Variants in ZNF367 observed in about 807,000 individuals in gnomAD.
ZNF367 encodes the protein C2H2 zinc finger protein ZFF29.
In ZNF367, 11 loss-of-function variants were observed where a neutral mutation model predicts 31.8. That is an observed-to-expected ratio of 0.35 (90% confidence interval 0.22 to 0.57). The LOEUF (loss-of-function observed/expected upper bound fraction) is 0.57, where lower values mean the gene tolerates loss of function less well. Ranked by LOEUF, ZNF367 falls within the 20% of genes least tolerant of loss-of-function variation. The pLI, the probability that ZNF367 is intolerant of heterozygous loss-of-function variation, is 0.85. For synonymous variants in ZNF367, 199 were observed against 202.4 expected, an observed-to-expected ratio of 0.98 and a Z score of 0.14; for missense variants, 353 against 484.1, an observed-to-expected ratio of 0.73 and a Z score of 2.54.
chr9:96,392,226 G>T, intron 4 of ZNF367, 172 bp downstream of exon 4: 1 of 880,664 alleles, frequency 1.1e-6, no homozygotes. Context: ...CAGATCCTAA[G>T]ATCCTAATAC....
chr9:96,391,034 G>A (rs1231683430), intron 4 of ZNF367, among the ~76,000 whole-genome samples: 1 of 152,066 alleles, frequency 6.6e-6, no homozygotes, highest in Non-Finnish European at 1.5e-5. Context: ...CCCTAGAATT[G>A]TCCATCTAAA....
At chr9:96,394,188 A>G (rs1005063240) in intron 3 of ZNF367, among the ~76,000 whole-genome samples, 10 of 152,240 alleles carry the variant, frequency 6.6e-5, no homozygotes, top group African/African-American at 2.4e-4. Context: ...GGTTTCATCA[A>G]AAAGGATTAC....
intron 1 of ZNF367, among the ~76,000 whole-genome samples, chr9:96,410,648 G>C (rs1831735549): frequency 6.8e-6 from 1 of 146,604 alleles, no homozygotes; most frequent in Non-Finnish European, 1.5e-5. Flanking sequence ...GGCCGAGGTG[G>C]GTGGATCACA....
At chr9:96,411,543 CAG>C (rs1308118375) in intron 1 of ZNF367, among the ~76,000 whole-genome samples, 1 of 152,010 alleles carries the variant, frequency 6.6e-6, no homozygotes, top group Non-Finnish European at 1.5e-5. Context: ...GCCTGGGTGA[CAG>C]AGTGAGACTT....
Position 96,398,244 on chromosome 9 carries a change from G to C in ZNF367, c.491C>G (p.Ser164Cys). The C allele has an allele frequency of 6.2e-7, 1 of 1,613,794 alleles. No homozygotes were observed. The highest frequency in any genetic ancestry group is 2.2e-5 in the East Asian group (1 of 44,884). ...RDLINEGEHS[S>C]SRIRCNICNR... ...ACAGATGTTACAACGGATTCTGCTG[G>C]ATGAATGCTCTCCTTCATTTATTAA... Residue 164 changes from serine to cysteine, a missense_variant, in exon 2 of 5, where the codon TCC becomes TGC. Coordinates refer to ENST00000375256, the MANE Select transcript of ZNF367 (RefSeq NM_153695.4).
At position 96,418,002 on chromosome 9, in the gene ZNF367, C is replaced by A; in HGVS notation, c.31G>T (p.Glu11Ter). MIRGFEAPMA[E>*]NPPPPPPPVI... Reference sequence around the variant, plus strand: ...GGCGGCGGCGGCGGCGGCGGGTTCTCCGCCATGGGCGCCTCGAAGCCCCGG... The same window carrying A: ...GGCGGCGGCGGCGGCGGCGGGTTCTACGCCATGGGCGCCTCGAAGCCCCGG... The change falls in exon 1 of 5, where the codon GAG becomes TAG. Residue 11 changes from glutamate to a stop codon, truncating the protein, a stop_gained. Transcript: ENST00000375256. LOFTEE classifies it high-confidence loss of function. The A allele has an allele frequency of 7.1e-7, 1 of 1,403,372 alleles. No homozygotes were observed. Among genetic ancestry groups the A allele is most frequent in the African/African-American group, 1.5e-5 (1 of 66,296 alleles). The allele number at this position is 1,403,372 out of a possible 1,614,324, so 86.9% of individuals were successfully genotyped here. A position where few individuals can be genotyped will look rare whatever the true frequency, so the allele number is the denominator to read the frequency against.
rs1388916960 is a variant in ZNF367 at position 96,417,863 on chromosome 9, A to G, written c.170T>C (p.Ile57Thr). Reference protein sequence around the residue: ...GGEPEPPPPLIPTSPGFSDFM... With the variant: ...GGEPEPPPPLTPTSPGFSDFM... ...GTCGCTGAAGCCGGGGCTGGTGGGG[A>G]TGAGCGGCGGCGGCGGCTCCGGCTC... The change falls in exon 1 of 5, where the codon ATC becomes ACC. Residue 57 changes from isoleucine to threonine, a missense_variant. By Grantham distance (89) the Ile-to-Thr change is moderately conservative. Around this residue, in one of 5 missense-constraint regions of ZNF367, gnomAD observed 31 missense variants for 58.4 expected, o/e 0.53. Coordinates refer to ENST00000375256, the MANE Select transcript of ZNF367 (RefSeq NM_153695.4). The surrounding 1 kb of genome is among the most constrained non-coding windows in gnomAD (Gnocchi z 5.0). The G allele has an allele frequency of 1.3e-6, 2 of 1,518,836 alleles. No individual in the cohort carries two copies. Among genetic ancestry groups the G allele is most frequent in the Non-Finnish European group, 1.8e-6 (2 of 1,141,956 alleles). The allele number at this position is 1,518,836 out of a possible 1,614,324, so 94.1% of individuals were successfully genotyped here.
intron 1 of ZNF367, among the ~76,000 whole-genome samples, chr9:96,401,828 CA>C (rs888111576): frequency 1.4e-3 from 178 of 131,202 alleles, no homozygotes; most frequent in South Asian, 2.9e-3. Flanking sequence ...ATGCCATCTC[CA>C]AAAAAAAAAA....
At chr9:96,408,903 C>T (rs1195685646) in intron 1 of ZNF367, among the ~76,000 whole-genome samples, 1 of 152,204 alleles carries the variant, frequency 6.6e-6, no homozygotes, top group South Asian at 2.1e-4. Context: ...TGAAAATAGC[C>T]TGTGTAGTTT....
intron 3 of ZNF367, among the ~76,000 whole-genome samples, chr9:96,393,500 GA>G (rs1831496089): frequency 6.8e-6 from 1 of 146,662 alleles, no homozygotes; most frequent in Admixed American, 6.9e-5. Context: ...CAGCCTGGGC[GA>G]AAAGTGAGAC....
At chr9:96,388,874 T>C (rs1482198687) in intron 4 of ZNF367, among the ~76,000 whole-genome samples, 2 of 152,188 alleles carry the variant, frequency 1.3e-5, no homozygotes, top group Non-Finnish European at 2.9e-5. Flanking sequence ...CCACAAACTA[T>C]GAAAAAGTGA....
chr9:96,401,128 AG>A (rs1438290632), intron 1 of ZNF367, among the ~76,000 whole-genome samples: 1 of 152,154 alleles, frequency 6.6e-6, no homozygotes, highest in African/African-American at 2.4e-5. Flanking sequence ...CAGGAGGCTG[AG>A]GAAGGAGGAT....
At chr9:96,409,989 C>A (rs1831720825) in intron 1 of ZNF367, among the ~76,000 whole-genome samples, 1 of 152,206 alleles carries the variant, frequency 6.6e-6, no homozygotes, top group African/African-American at 2.4e-5. Flanking sequence ...CAATTAAAAA[C>A]CACAGGCCAG....
chr9:96,407,386 C>T lies in ZNF367; in HGVS notation c.421-9072G>A. 3.3e-6 allele frequency: 5 copies of T among 1,513,890 alleles called. No individual in the cohort carries two copies. The East Asian group carries it at 6.8e-5, about 20-fold the overall frequency. The allele number at this position is 1,513,890 out of a possible 1,614,324, so 93.8% of individuals were successfully genotyped here. A position where few individuals can be genotyped will look rare whatever the true frequency, so the allele number is the denominator to read the frequency against. Reference sequence around the variant, plus strand: ...GAAGGAAAGTCGAGAGGCTCATGAACGTTCAAAGAAGGCAAAGAAAATGAT... The same window carrying T: ...GAAGGAAAGTCGAGAGGCTCATGAATGTTCAAAGAAGGCAAAGAAAATGAT... On this transcript the variant is annotated intron_variant, in intron 1 of 4. Transcript: ENST00000375256.
rs542557750 is a variant in ZNF367, at chr9:96,418,213, GC to G, written c.-182del. ...TGAGCAGACGGCACCGGCGGGCAGG[GC>G]TGGACCCCAGCCCCAGGTCAAGCGC... On this transcript the variant is annotated 5_prime_UTR_variant, in exon 1 of 5. Coordinates refer to ENST00000375256, the MANE Select transcript of ZNF367 (RefSeq NM_153695.4). The G allele has an allele frequency of 6.1e-4, 575 of 943,056 alleles. 3 individuals are homozygous for G. In the African/African-American group the frequency reaches 8.7e-3, roughly 14 times the overall value. 58.4% of individuals were successfully genotyped at this position (943,056 alleles called of 1,614,324 possible).
intron 2 of ZNF367, among the ~76,000 whole-genome samples, chr9:96,396,639 T>G (rs1211127697): frequency 6.6e-6 from 1 of 151,980 alleles, no homozygotes; most frequent in East Asian, 1.9e-4. Flanking sequence ...GAAGGCACAT[T>G]AGAAAAAGTA....
intron 3 of ZNF367, among the ~76,000 whole-genome samples, chr9:96,393,530 AAAAT>A (rs756965719): frequency 1.5e-4 from 23 of 150,726 alleles, no homozygotes; most frequent in African/African-American, 4.7e-4. Flanking sequence ...AAAACAATAA[AAAAT>A]AAATAAATAA....
intron 4 of ZNF367, among the ~76,000 whole-genome samples, chr9:96,391,203 C>T (rs76340486): frequency 0.014 from 2,138 of 152,244 alleles, 48 homozygotes; most frequent in African/African-American, 0.048. Flanking sequence ...AGGCCCTAGG[C>T]TTACCATAAT....
At chr9:96,414,874 T>G (rs931617220) in intron 1 of ZNF367, among the ~76,000 whole-genome samples, 1 of 152,174 alleles carries the variant, frequency 6.6e-6, no homozygotes, top group Non-Finnish European at 1.5e-5. Flanking sequence ...ATTAATCTTC[T>G]TGGGTGATCC....
Sources: gnomAD v4.1 joint callset for allele counts (sites outside exome capture counted in the v4.1 genomes callset) on GRCh38, gnomAD v4.1.1 for gene constraint, gnomAD v4.1.1 regional missense constraint, Gnocchi (gnomAD v3.1) non-coding constraint, MANE v1.5 for transcripts, NCBI Gene and HGNC (gene_info 2026-07-23, HGNC 2026-07-21) for gene names.